Variants in PTPRT observed in about 807,000 individuals in gnomAD.
PTPRT encodes the protein receptor-type tyrosine-protein phosphatase T.
Under a neutral mutation model 176.8 loss-of-function variants are expected in PTPRT, and 56 were observed. The observed-to-expected ratio is 0.32, with a 90% CI of 0.26 to 0.40. The LOEUF (loss-of-function observed/expected upper bound fraction) is 0.40, where lower values mean the gene tolerates loss of function less well. Among genes scored for constraint, PTPRT ranks in the 10% least tolerant of loss-of-function variants. The probability of loss-of-function intolerance (pLI) is 1.00; values close to 1 mark genes in which losing one functional copy is unlikely to be tolerated. For synonymous variants in PTPRT, 783 were observed against 739.0 expected (o/e 1.06, Z -0.96); for missense variants, 1,540 against 1,908.2 (o/e 0.81, Z 3.60).
intron 9 of PTPRT, among the ~76,000 whole-genome samples, chr20:42,396,833 T>C (rs548613900): frequency 6.6e-6 from 1 of 152,326 alleles, no homozygotes; most frequent in African/African-American, 2.4e-5. Flanking sequence ...GCTGGGACTA[T>C]AGGCGTGAGC....
chr20:42,233,098 T>A (rs1192291178), intron 15 of PTPRT, among the ~76,000 whole-genome samples: 2 of 152,168 alleles, frequency 1.3e-5, no homozygotes, highest in Non-Finnish European at 2.9e-5. Context: ...TCATGGTCAG[T>A]TCCTGGGCCT....
intron 13 of PTPRT, among the ~76,000 whole-genome samples, chr20:42,271,890 A>G (rs2056942076): frequency 1.3e-5 from 2 of 152,374 alleles, no homozygotes; most frequent in Admixed American, 6.5e-5. Context: ...TAAACAAAAA[A>G]TACATAATTT....
chr20:42,325,164 T>G (rs563247643), intron 11 of PTPRT, among the ~76,000 whole-genome samples: 1 of 152,058 alleles, frequency 6.6e-6, no homozygotes, highest in African/African-American at 2.4e-5. Context: ...GGAAGGATTC[T>G]GGGAAGGAAG....
intron 1 of PTPRT, among the ~76,000 whole-genome samples, chr20:43,106,520 G>T (rs1378890726): frequency 6.6e-6 from 1 of 151,934 alleles, no homozygotes; most frequent in African/African-American, 2.4e-5. Flanking sequence ...AGCTGGGCGT[G>T]ATGGCGGGCA....
intron 13 of PTPRT, among the ~76,000 whole-genome samples, chr20:42,266,681 T>G (rs1210376689): frequency 6.6e-6 from 1 of 152,142 alleles, no homozygotes; most frequent in Admixed American, 6.5e-5. Flanking sequence ...CATCTCCAGA[T>G]TTTGCCAAAC....
chr20:43,016,664 C>T (rs761430431), intron 1 of PTPRT, among the ~76,000 whole-genome samples: 36 of 150,268 alleles, frequency 2.4e-4, no homozygotes, highest in Non-Finnish European at 3.2e-4. Context: ...CTCAGCCTTC[C>T]GAGTAGCTGG....
At chr20:42,447,942 A>G (rs1469473110) in intron 9 of PTPRT, among the ~76,000 whole-genome samples, 2 of 152,156 alleles carry the variant, frequency 1.3e-5, no homozygotes, top group African/African-American at 4.8e-5. Context: ...CATAAGAACA[A>G]TCTGACTCCC....
intron 1 of PTPRT, among the ~76,000 whole-genome samples, chr20:43,071,489 G>C (rs2011179566): frequency 6.6e-6 from 1 of 152,168 alleles, no homozygotes; most frequent in Non-Finnish European, 1.5e-5. Context: ...CCCAGTTCAA[G>C]ACAGGAAAGT....
rs144219912 is a variant in PTPRT at position 42,961,844 on chromosome 20, G to A, written c.89-75912C>T. Among the ~76,000 whole-genome samples the A allele has an allele frequency of 5.0e-3, 766 of 152,346 alleles. 8 individuals carry two copies. Among genetic ancestry groups the A allele is most frequent in the African/African-American group, 0.018 (733 of 41,590 alleles). ...GCTGGATTATCCAGTGAGGCCCAAT[G>A]TAATCACAAACGTCCTTATAAGTGA... is the stretch of plus-strand genomic sequence containing the variant. On this transcript the variant is annotated intron_variant, in intron 1 of 30. Transcript: ENST00000373187.
intron 6 of PTPRT, among the ~76,000 whole-genome samples, chr20:42,689,389 T>A (rs1317297404): frequency 6.6e-6 from 1 of 152,020 alleles, no homozygotes; most frequent in East Asian, 1.9e-4. Flanking sequence ...TCCCACTCCA[T>A]CCTCCCCTTC....
intron 15 of PTPRT, among the ~76,000 whole-genome samples, chr20:42,201,975 G>GTGTGTGTGTGTGTGTGTGTA (rs1380398908): frequency 5.0e-4 from 76 of 151,408 alleles, no homozygotes; most frequent in Middle Eastern, 3.4e-3. Flanking sequence ...GTGTGTGTGT[G>GTGTGTGTGTGTGTGTGTGTA]TGTATGTATG....
intron 7 of PTPRT, among the ~76,000 whole-genome samples, chr20:42,590,991 A>G (rs1465054756): frequency 6.6e-6 from 1 of 150,996 alleles, no homozygotes; most frequent in Non-Finnish European, 1.5e-5. Flanking sequence ...GGCATTCCAA[A>G]GAGGGACTTT....
chr20:43,185,093 T>A (rs2015358074), intron 1 of PTPRT, among the ~76,000 whole-genome samples: 1 of 152,198 alleles, frequency 6.6e-6, no homozygotes, highest in Admixed American at 6.5e-5. Flanking sequence ...CTAATCTGAA[T>A]CCATTCTGTA....
chr20:42,763,478 A>G (rs958571182), intron 5 of PTPRT, among the ~76,000 whole-genome samples: 1 of 152,212 alleles, frequency 6.6e-6, no homozygotes, highest in Non-Finnish European at 1.5e-5. Context: ...AAAAATGATA[A>G]AGATAAAAAT....
At chr20:42,213,930 A>G (rs2055707084) in intron 15 of PTPRT, among the ~76,000 whole-genome samples, 1 of 152,262 alleles carries the variant, frequency 6.6e-6, no homozygotes, top group Non-Finnish European at 1.5e-5. Flanking sequence ...TAAAATGACC[A>G]TAATTCCTAA....
At chr20:42,733,138 C>T (rs1220236407) in intron 6 of PTPRT, among the ~76,000 whole-genome samples, 1 of 152,198 alleles carries the variant, frequency 6.6e-6, no homozygotes, top group African/African-American at 2.4e-5. Flanking sequence ...GCAACTCCCT[C>T]TCTAGACATG....
At chr20:42,852,695 G>A (rs1452073784) in intron 2 of PTPRT, among the ~76,000 whole-genome samples, 1 of 152,054 alleles carries the variant, frequency 6.6e-6, no homozygotes, top group East Asian at 1.9e-4. Flanking sequence ...TCCCCACCAA[G>A]CCCAGCCTAG....
intron 17 of PTPRT, among the ~76,000 whole-genome samples, chr20:42,160,166 C>A (rs1056812122): frequency 3.3e-5 from 5 of 151,572 alleles, no homozygotes; most frequent in East Asian, 1.9e-4. Context: ...AACAAAAAAA[C>A]CACAAATACA....
chr20:42,499,173 G>GTAC (rs150665713), intron 7 of PTPRT, among the ~76,000 whole-genome samples: 2,674 of 152,158 alleles, frequency 0.018, 68 homozygotes, highest in African/African-American at 0.06. Flanking sequence ...AGTACATACT[G>GTAC]TACTACTGTG....
Sources: allele counts gnomAD v4.1 joint callset (sites outside exome capture counted in the v4.1 genomes callset), GRCh38; gene constraint gnomAD v4.1.1; transcripts MANE v1.5; gene names NCBI Gene and HGNC (gene_info 2026-07-23, HGNC 2026-07-21).